Variants in PCDHGA5 observed in about 807,000 individuals in gnomAD.
The protein encoded by PCDHGA5 is protocadherin gamma-A5.
A neutral mutation model predicts 56.7 loss-of-function variants in PCDHGA5; 36 were observed. The ratio of observed to expected loss-of-function variants is 0.64; its 90% CI spans 0.49 to 0.84. The LOEUF is 0.84. Ranked by LOEUF, PCDHGA5 falls within the 40% of genes least tolerant of loss-of-function variation. The pLI, the probability that PCDHGA5 is intolerant of heterozygous loss-of-function variation, is 0.00. For synonymous variants in PCDHGA5, 563 were observed against 520.2 expected (o/e 1.08, Z -1.12); for missense variants, 1,305 against 1,201.5 (o/e 1.09, Z -1.27).
At chr5:141,422,891 A>G in intron 1 of PCDHGA5, 3 of 1,614,192 alleles carry the variant, frequency 1.9e-6, no homozygotes, top group Non-Finnish European at 2.5e-6. Context: ...TTCGTGCTGG[A>G]CCAGAACGAC....
chr5:141,454,172 C>T (rs1001368287), intron 1 of PCDHGA5, among the ~76,000 whole-genome samples: 4 of 152,126 alleles, frequency 2.6e-5, no homozygotes, highest in Non-Finnish European at 5.9e-5. Context: ...TCTAGAAGGG[C>T]AGCTAAAGGA....
At chr5:141,472,980 C>CAAAAAAAAAAAAAAAAAAAAAA (rs60579131) in intron 1 of PCDHGA5, among the ~76,000 whole-genome samples, 6 of 86,102 alleles carry the variant, frequency 7.0e-5, no homozygotes, top group African/African-American at 1.2e-4. Flanking sequence ...GAGTGAAACT[C>CAAAAAAAAAAAAAAAAAAAAAA]AAAAAAAAAA....
chr5:141,432,031 C>T lies in PCDHGA5; in HGVS notation c.2422-62776C>T. The T allele has an allele frequency of 6.2e-7, 1 of 1,614,220 alleles. No individual in the cohort carries two copies. Among genetic ancestry groups the T allele is most frequent in the Non-Finnish European group, 8.5e-7 (1 of 1,180,048 alleles). ...CTAGCTACAACATCACAGTGACCGC[C>T]ACTGACCGGGGAACCCCGCCCCTAT... On this transcript the variant is annotated intron_variant, in intron 1 of 3. Coordinates refer to ENST00000518069, the MANE Select transcript of PCDHGA5 (RefSeq NM_018918.3). This position sits in a 1 kb window ranked among gnomAD's most constrained non-coding sequence, Gnocchi z 6.0.
Position 141,458,000 on chromosome 5 carries a change from A to G in PCDHGA5, c.2422-36807A>G, listed in dbSNP as rs1047291886. ...CACCCTTTCAGTTAAAGCCTTGGCA[A>G]AATAACCGGTTTTTCCAATTGTGTT... On this transcript the variant is annotated intron_variant, in intron 1 of 3. Coordinates refer to ENST00000518069, the MANE Select transcript of PCDHGA5 (RefSeq NM_018918.3). Among the ~76,000 whole-genome samples, 4 of 152,214 alleles carry G rather than the reference A, an allele frequency of 2.6e-5. No homozygotes were observed. In the East Asian group the frequency reaches 5.8e-4, roughly 22 times the overall value.
intron 1 of PCDHGA5, chr5:141,371,023 T>A: frequency 6.2e-7 from 1 of 1,614,008 alleles, no homozygotes. Flanking sequence ...CATCACCACC[T>A]GGTCCTCACA....
intron 1 of PCDHGA5, chr5:141,390,140 A>G (rs747174609): frequency 3.5e-5 from 57 of 1,613,798 alleles, no homozygotes; most frequent in Middle Eastern, 1.6e-4. Context: ...CCTACAATCT[A>G]TGTGTTGCAC....
chr5:141,365,221 C>T lies in PCDHGA5; in HGVS notation c.891C>T (p.Asn297=), dbSNP rs1175888601. ...CGGAGACTTTCCAACTTGATTCCAA[C>T]CTGGGGGAAATCTCAACTCTACAAT... is the stretch of plus-strand genomic sequence containing the variant. ...KISETFQLDS[N]LGEISTLQSL... Residue 297 remains asparagine, a synonymous_variant, in exon 1 of 4, where the codon AAC becomes AAT. Coordinates refer to ENST00000518069, the MANE Select transcript of PCDHGA5 (RefSeq NM_018918.3). 6.2e-7 allele frequency: 1 copy of T among 1,613,860 alleles called. No individual in the cohort carries two copies. Among genetic ancestry groups the T allele is most frequent in the East Asian group, 2.2e-5 (1 of 44,880 alleles).
At chr5:141,495,571 C>T (rs1031548699) in intron 2 of PCDHGA5, among the ~76,000 whole-genome samples, 1 of 152,198 alleles carries the variant, frequency 6.6e-6, no homozygotes, top group African/African-American at 2.4e-5. Flanking sequence ...TCTGCCTCTC[C>T]CTCTCTTCTC....
chr5:141,415,147 C>T (rs779194230), intron 1 of PCDHGA5: 17 of 1,613,668 alleles, frequency 1.1e-5, no homozygotes, highest in African/African-American at 1.3e-5. Context: ...CCAGCCCCCT[C>T]TCTCCGCCAC....
In PCDHGA5 at chr5:141,505,414, C is replaced by T. The variant is rs373956550; in HGVS notation, c.2502C>T (p.Thr834=). The T allele has an allele frequency of 3.0e-5, 48 of 1,614,046 alleles. No homozygotes were observed. In the African/African-American group the frequency reaches 3.1e-4, roughly 10 times the overall value. The change falls in exon 3 of 4, where the codon ACC becomes ACT. Residue 834 remains threonine (T), a synonymous_variant. Transcript: ENST00000518069. ...CCAGCTCCCAAAATGGCGATGACACCGGCACCTGGCCCAACAACCAGTTTG... is the reference window on the plus strand; with the variant it reads ...CCAGCTCCCAAAATGGCGATGACACTGGCACCTGGCCCAACAACCAGTTTG... ...GTSGSQNGDD[T]GTWPNNQFDT...
At chr5:141,384,441 G>A in intron 1 of PCDHGA5, 1 of 1,614,028 alleles carries the variant, frequency 6.2e-7, no homozygotes, top group African/African-American at 1.3e-5. Flanking sequence ...CTGGAGTCCT[G>A]TACGCGCTGC....
chr5:141,489,222 A>C lies in PCDHGA5; in HGVS notation c.2422-5585A>C. On this transcript the variant is annotated intron_variant, in intron 1 of 3. Coordinates refer to ENST00000518069, the MANE Select transcript of PCDHGA5 (RefSeq NM_018918.3). The surrounding 1 kb of genome is among the most constrained non-coding windows in gnomAD (Gnocchi z 4.5). ...ACAGGACAGCACAGACTTACTCTCC[A>C]CAAAGGGACTTCTGGGTCATGGGGC... 6.6e-7 allele frequency: 1 copy of C among 1,515,652 alleles called. No individual in the cohort carries two copies. Among genetic ancestry groups the C allele is most frequent in the Middle Eastern group, 1.8e-4 (1 of 5,598 alleles). 93.9% of individuals were successfully genotyped at this position (1,515,652 alleles called of 1,614,324 possible).
rs758417744 is a variant in PCDHGA5, at chr5:141,430,916, G to A, written c.2422-63891G>A. On this transcript the variant is annotated intron_variant, in intron 1 of 3. Coordinates refer to ENST00000518069, the MANE Select transcript of PCDHGA5 (RefSeq NM_018918.3). ...GGTGGGCGACATCTCCAGGGACCTG[G>A]GGCTGGAGCCCCGGGAGCTCGCGGA... The A allele has an allele frequency of 1.9e-6, 3 of 1,607,878 alleles. No individual in the cohort carries two copies. The East Asian group carries it at 6.7e-5, about 36-fold the overall frequency.
intron 1 of PCDHGA5, among the ~76,000 whole-genome samples, chr5:141,465,206 C>T (rs375753635): frequency 1.8e-4 from 27 of 151,896 alleles, no homozygotes; most frequent in Middle Eastern, 3.4e-3. Context: ...AAAATATAAG[C>T]TTTATTTTTC....
intron 1 of PCDHGA5, chr5:141,403,027 G>A: frequency 6.2e-7 from 1 of 1,614,070 alleles, no homozygotes; most frequent in East Asian, 2.2e-5. Context: ...TGCTATGGGA[G>A]GCCAGGGCCA....
chr5:141,374,457 A>C lies in PCDHGA5; in HGVS notation c.2421+7706A>C, dbSNP rs775796857. ...TATCCCGTGGAAGTGGAAATAGTGG[A>C]CATTAATGACAATACACCCCGATTC... On this transcript the variant is annotated intron_variant, in intron 1 of 3. Coordinates refer to ENST00000518069, the MANE Select transcript of PCDHGA5 (RefSeq NM_018918.3). The C allele has an allele frequency of 2.5e-6, 4 of 1,613,430 alleles. No homozygotes were observed. The South Asian group carries it at 4.4e-5, about 18-fold the overall frequency.
intron 1 of PCDHGA5, chr5:141,372,058 G>A (rs769464516): frequency 6.2e-7 from 1 of 1,613,554 alleles, no homozygotes; most frequent in South Asian, 1.1e-5. Flanking sequence ...GTGGACGACC[G>A]CAACGACAAT....
intron 1 of PCDHGA5, chr5:141,420,295 T>G (rs1282298065): frequency 6.8e-7 from 1 of 1,466,506 alleles, no homozygotes; most frequent in East Asian, 2.3e-5. Flanking sequence ...AAAAATGTAT[T>G]TAATCCTTTT....
chr5:141,370,990 C>T (rs763809323), intron 1 of PCDHGA5: 3 of 1,613,826 alleles, frequency 1.9e-6, no homozygotes, highest in Admixed American at 1.7e-5. Flanking sequence ...CTGAAAGCAC[C>T]CCTGGACAGG....
Sources: gnomAD v4.1 joint callset for allele counts (sites outside exome capture counted in the v4.1 genomes callset) on GRCh38, gnomAD v4.1.1 for gene constraint, Gnocchi (gnomAD v3.1) non-coding constraint, MANE v1.5 for transcripts, NCBI Gene and HGNC (gene_info 2026-07-23, HGNC 2026-07-21) for gene names.